SEPTIN9: variants seen among roughly 807,000 people sequenced by gnomAD.
SEPTIN9 encodes septin 9, also known as septin-9.
In SEPTIN9, 13 loss-of-function variants were observed where a neutral mutation model predicts 56.6. The observed-to-expected ratio is 0.23, with a 90% CI of 0.15 to 0.37. The LOEUF (loss-of-function observed/expected upper bound fraction) is 0.37, where lower values mean the gene tolerates loss of function less well. Among genes scored for constraint, SEPTIN9 ranks in the 10% least tolerant of loss-of-function variants. The probability of loss-of-function intolerance (pLI) is 1.00; values close to 1 mark genes in which losing one functional copy is unlikely to be tolerated. For synonymous variants in SEPTIN9, 332 were observed against 334.1 expected (o/e 0.99, Z 0.07); for missense variants, 650 against 823.1 (o/e 0.79, Z 2.57).
intron 3 of SEPTIN9, chr17:77,444,760 T>G (rs1385123014): frequency 4.6e-6 from 1 of 216,698 alleles, no homozygotes; most frequent in East Asian, 1.3e-4. Context: ...CCATGAGGAT[T>G]TTTTCAAGAG....
At chr17:77,388,776 T>C (rs1168177468) in intron 2 of SEPTIN9, among the ~76,000 whole-genome samples, 1 of 143,964 alleles carries the variant, frequency 6.9e-6, no homozygotes, top group East Asian at 2.3e-4. Context: ...TAATGGAGGC[T>C]CCACCTGGGC....
intron 2 of SEPTIN9, among the ~76,000 whole-genome samples, chr17:77,333,646 CT>C (rs979544955): frequency 2.0e-5 from 3 of 152,168 alleles, no homozygotes; most frequent in African/African-American, 7.2e-5. Context: ...TGTAAGAAAC[CT>C]TTGCCTACCC....
At position 77,312,995 on chromosome 17, in the gene SEPTIN9, C is replaced by T. The variant is rs538658994; in HGVS notation, c.76+5798C>T. Among the ~76,000 whole-genome samples, 22 of 152,170 alleles carry T rather than the reference C, an allele frequency of 1.4e-4. No individual in the cohort carries two copies. The Middle Eastern group carries it at 0.014, about 94-fold the overall frequency. Reference sequence around the variant, plus strand: ...CATTGCGGAGAGTTCTATGGGGGGGCGCTGGTTTAGATCATCTTCACGTTG... The same window carrying T: ...CATTGCGGAGAGTTCTATGGGGGGGTGCTGGTTTAGATCATCTTCACGTTG... On this transcript the variant is annotated intron_variant, in intron 2 of 11. Coordinates refer to ENST00000427177, the MANE Select transcript of SEPTIN9 (RefSeq NM_001113491.2).
At position 77,402,294 on chromosome 17, in the gene SEPTIN9, G is replaced by A. The variant is rs779210636; in HGVS notation, c.312G>A (p.Val104=). 6.2e-7 allele frequency: 1 copy of A among 1,612,666 alleles called. No individual in the cohort carries two copies. The highest frequency in any genetic ancestry group is 8.5e-7 in the Non-Finnish European group (1 of 1,179,776). Reference sequence around the variant, plus strand: ...CGGGCCCCAAGGCGGCCGAGCCGGTGTCCCGGCGCACTGAGCTGTCCATTG... The same window carrying A: ...CGGGCCCCAAGGCGGCCGAGCCGGTATCCCGGCGCACTGAGCTGTCCATTG... The part of the protein sequence containing the change: ...ELSGPKAAEP[V]SRRTELSIDI... The change falls in exon 3 of 12, where the codon GTG becomes GTA. Residue 104 remains valine (V), a synonymous_variant. Transcript: ENST00000427177. This position sits in a 1 kb window ranked among gnomAD's most constrained non-coding sequence, Gnocchi z 6.6.
chr17:77,342,934 T>G (rs1343714800), intron 2 of SEPTIN9, among the ~76,000 whole-genome samples: 1 of 152,124 alleles, frequency 6.6e-6, no homozygotes, highest in Non-Finnish European at 1.5e-5. Context: ...GAGATTGCAC[T>G]ACTGCACTCC....
Position 77,319,635 on chromosome 17 carries a change from CA to C in SEPTIN9, c.76+12439del. Reference sequence around the variant, plus strand: ...CTGGGGCACGGCCGTTCCTCCTGCCCAGCCACGTTGGGGTACAGGGTGAAGA... The same window carrying C: ...CTGGGGCACGGCCGTTCCTCCTGCCCGCCACGTTGGGGTACAGGGTGAAGA... On this transcript the variant is annotated intron_variant, in intron 2 of 11. Transcript: ENST00000427177. The surrounding 1 kb of genome is among the most constrained non-coding windows in gnomAD (Gnocchi z 5.3). 1 of 1,062,732 alleles carries C rather than the reference CA, an allele frequency of 9.4e-7. No homozygotes were observed. The highest frequency in any genetic ancestry group is 4.6e-5 in the South Asian group (1 of 21,952). 65.8% of individuals were successfully genotyped at this position (1,062,732 alleles called of 1,614,324 possible).
At chr17:77,440,315 C>T (rs1371160072) in intron 3 of SEPTIN9, among the ~76,000 whole-genome samples, 6 of 152,024 alleles carry the variant, frequency 3.9e-5, no homozygotes, top group African/African-American at 1.2e-4. Context: ...CCACCACGCC[C>T]GGCGAATTTT....
chr17:77,369,956 C>T lies in SEPTIN9; in HGVS notation c.77-32103C>T, dbSNP rs1214860347. Among the ~76,000 whole-genome samples the T allele has an allele frequency of 6.6e-6, 1 of 152,244 alleles. No individual in the cohort carries two copies. The highest frequency in any genetic ancestry group is 1.5e-5 in the Non-Finnish European group (1 of 68,046). On this transcript the variant is annotated intron_variant, in intron 2 of 11. Transcript: ENST00000427177. This position sits in a 1 kb window ranked among gnomAD's most constrained non-coding sequence, Gnocchi z 4.9. Reference sequence around the variant, plus strand: ...TCTCCAGACCTGCTCCTTCCCATTTCCAGAAAGGCGTGCAGGGGTTTCCTA... The same window carrying T: ...TCTCCAGACCTGCTCCTTCCCATTTTCAGAAAGGCGTGCAGGGGTTTCCTA...
intron 2 of SEPTIN9, among the ~76,000 whole-genome samples, chr17:77,379,438 G>A (rs1355763287): frequency 3.9e-5 from 6 of 152,170 alleles, no homozygotes; most frequent in Admixed American, 3.9e-4. Flanking sequence ...CAGATATGCA[G>A]ACTGTGCATT....
intron 2 of SEPTIN9, among the ~76,000 whole-genome samples, chr17:77,366,840 A>C (rs1250832436): frequency 6.6e-6 from 1 of 152,340 alleles, no homozygotes; most frequent in South Asian, 2.1e-4. Flanking sequence ...CCGGGGAGCC[A>C]TGGAGCAGAG....
rs1022879792 is a variant in SEPTIN9 at position 77,488,626 on chromosome 17, C to T, written c.1125-101C>T. On this transcript the variant is annotated intron_variant, in intron 6 of 11. Transcript: ENST00000427177. ...GCCAGACCTCCCAGGGCATGCATTT[C>T]ATTGGAAGGTGGGGTGTTGGGCTCT... is the stretch of plus-strand genomic sequence containing the variant. 5 of 1,514,106 alleles carry T rather than the reference C, an allele frequency of 3.3e-6. No homozygotes were observed. The African/African-American group carries it at 6.9e-5, about 21-fold the overall frequency. 93.8% of individuals were successfully genotyped at this position (1,514,106 alleles called of 1,614,324 possible).
intron 2 of SEPTIN9, among the ~76,000 whole-genome samples, chr17:77,353,509 T>C (rs956417603): frequency 2.0e-5 from 3 of 152,056 alleles, no homozygotes; most frequent in South Asian, 4.2e-4. Flanking sequence ...GCAGGGGCCA[T>C]GTGGGAGTTG....
rs1183324473 is a variant in SEPTIN9, at chr17:77,445,468, T to C, written c.722-36676T>C. The C allele has an allele frequency of 2.1e-6, 1 of 467,644 alleles. No individual in the cohort carries two copies. The highest frequency in any genetic ancestry group is 4.4e-6 in the Non-Finnish European group (1 of 225,248). The allele number at this position is 467,644 out of a possible 1,614,324, so 29.0% of individuals were successfully genotyped here. A position where few individuals can be genotyped will look rare whatever the true frequency, so the allele number is the denominator to read the frequency against. On this transcript the variant is annotated intron_variant, in intron 3 of 11. Transcript: ENST00000427177. The surrounding 1 kb of genome is among the most constrained non-coding windows in gnomAD (Gnocchi z 4.7). ...CCTGGCTTGGTGGTGGCCGAGGAGC[T>C]TGGCAGGAGCAGAGTGCAGGACCTG...
intron 3 of SEPTIN9, among the ~76,000 whole-genome samples, chr17:77,441,908 G>A (rs922104422): frequency 3.3e-5 from 5 of 152,164 alleles, no homozygotes; most frequent in African/African-American, 9.7e-5. Context: ...TGGGACAGGC[G>A]ACACTGCAGT....
At chr17:77,297,109 A>C (rs1298688617) in intron 1 of SEPTIN9, among the ~76,000 whole-genome samples, 1 of 152,188 alleles carries the variant, frequency 6.6e-6, no homozygotes, top group Non-Finnish European at 1.5e-5. Flanking sequence ...GGCTCATACC[A>C]TTGTGGAGGC....
chr17:77,380,659 C>T (rs1380951282), intron 2 of SEPTIN9, among the ~76,000 whole-genome samples: 1 of 152,132 alleles, frequency 6.6e-6, no homozygotes, highest in East Asian at 1.9e-4. Flanking sequence ...GAGTCTCCCT[C>T]GCCTTCCCAT....
intron 2 of SEPTIN9, among the ~76,000 whole-genome samples, chr17:77,320,965 G>T (rs2032897999): frequency 6.6e-6 from 1 of 152,254 alleles, no homozygotes; most frequent in Admixed American, 6.5e-5. Flanking sequence ...GCGTGAACAG[G>T]CAAATGAAGA....
rs555362646 is a variant in SEPTIN9, at chr17:77,434,635, G to A, written c.721+31932G>A. ...GACCTGCACCATGACCCCCGTCAAA[G>A]CTCACGTCCAAGGCATTTGTGGGCA... is the stretch of plus-strand genomic sequence containing the variant. On this transcript the variant is annotated intron_variant, in intron 3 of 11. Transcript: ENST00000427177. The surrounding 1 kb of genome is among the most constrained non-coding windows in gnomAD (Gnocchi z 5.0). Among the ~76,000 whole-genome samples the A allele has an allele frequency of 2.0e-4, 31 of 152,266 alleles. No individual in the cohort carries two copies. The East Asian group carries it at 5.8e-3, about 29-fold the overall frequency.
At chr17:77,457,612 C>T (rs1421750346) in intron 3 of SEPTIN9, among the ~76,000 whole-genome samples, 1 of 152,222 alleles carries the variant, frequency 6.6e-6, no homozygotes, top group Non-Finnish European at 1.5e-5. Flanking sequence ...AGGCAAGACC[C>T]CTCCTCCCAG....
Sources: gnomAD v4.1 joint callset for allele counts (sites outside exome capture counted in the v4.1 genomes callset) on GRCh38, gnomAD v4.1.1 for gene constraint, Gnocchi (gnomAD v3.1) non-coding constraint, MANE v1.5 for transcripts, NCBI Gene and HGNC (gene_info 2026-07-23, HGNC 2026-07-21) for gene names.